Variants in ATP11A observed in about 807,000 individuals in gnomAD.
The protein encoded by ATP11A is ATPase phospholipid transporting 11A.
In ATP11A, 81 loss-of-function variants were observed where a neutral mutation model predicts 154.4. That is an observed-to-expected ratio of 0.52 (90% CI 0.44 to 0.63). ATP11A has a LOEUF of 0.63. Ranked by LOEUF, ATP11A falls within the 30% of genes least tolerant of loss-of-function variation. The pLI, the probability that ATP11A is intolerant of heterozygous loss-of-function variation, is 0.00. For missense variants in ATP11A, 1,316 were observed against 1,474.3 expected, an observed-to-expected ratio of 0.89 and a Z score of 1.76; for synonymous variants, 623 against 585.9, an observed-to-expected ratio of 1.06 and a Z score of -0.91.
intron 1 of ATP11A, among the ~76,000 whole-genome samples, chr13:112,706,554 GT>G (rs1402008697): frequency 1.3e-5 from 2 of 152,302 alleles, no homozygotes; most frequent in East Asian, 3.9e-4. Flanking sequence ...TCTCTTTCCA[GT>G]TGGTCTATAA....
rs371589710 is a variant in ATP11A at position 112,881,381 on chromosome 13, T to G, written c.*10-495T>G. 371 of 1,040,684 alleles carry G rather than the reference T, an allele frequency of 3.6e-4. 8 individuals are homozygous for G. The South Asian group carries it at 0.012, about 33-fold the overall frequency. 64.5% of individuals were successfully genotyped at this position (1,040,684 alleles called of 1,614,324 possible). A position where few individuals can be genotyped will look rare whatever the true frequency, so the allele number is the denominator to read the frequency against. Reference sequence around the variant, plus strand: ...CAGTACTAAATCAACCCGGTCCCTGTGGGGTGGGGCCTGCCTTCCCTGGGG... The same window carrying G: ...CAGTACTAAATCAACCCGGTCCCTGGGGGGTGGGGCCTGCCTTCCCTGGGG... On this transcript the variant is annotated intron_variant, in intron 29 of 29. Transcript: ENST00000375645.
chr13:112,851,414 G>A (rs1386089013), intron 18 of ATP11A, 196 bp downstream of exon 18: 1 of 479,006 alleles, frequency 2.1e-6, no homozygotes, highest in Non-Finnish European at 3.7e-6. Context: ...GGGATATTTT[G>A]TTGTCCATGA....
In ATP11A at chr13:112,819,330, A is replaced by G. The variant is rs746480730; in HGVS notation, c.597A>G (p.Lys199=). The change falls in exon 7 of 30, where the codon AAA becomes AAG. Residue 199 remains lysine (K), a synonymous_variant. Transcript: ENST00000375645. Reference sequence around the variant, plus strand: ...CGCATTACGCGGTCCAGGACACCAAAGGCTTCCACACAGAGGAGGATATCG... The same window carrying G: ...CGCATTACGCGGTCCAGGACACCAAGGGCTTCCACACAGAGGAGGATATCG... ...HKTHYAVQDT[K]GFHTEEDIGG... The G allele has an allele frequency of 5.6e-6, 9 of 1,614,236 alleles. No individual in the cohort carries two copies. Among genetic ancestry groups the G allele is most frequent in the Middle Eastern group, 3.3e-4 (2 of 6,062 alleles).
intron 2 of ATP11A, among the ~76,000 whole-genome samples, chr13:112,789,592 G>GTAGA (rs2077777645): frequency 7.6e-6 from 1 of 132,092 alleles, no homozygotes; most frequent in African/African-American, 3.5e-5. Flanking sequence ...GTGTCCTGAC[G>GTAGA]CGTAGACCCC....
At chr13:112,834,180 G>A (rs1345700692) in intron 14 of ATP11A, among the ~76,000 whole-genome samples, 2 of 152,266 alleles carry the variant, frequency 1.3e-5, no homozygotes, top group Admixed American at 1.3e-4. Flanking sequence ...GGGCCTTGGT[G>A]TGGGGGTAAC....
chr13:112,791,023 A>T (rs1010182023), intron 2 of ATP11A, among the ~76,000 whole-genome samples: 1 of 152,202 alleles, frequency 6.6e-6, no homozygotes, highest in Non-Finnish European at 1.5e-5. Context: ...TCACATCCAA[A>T]ATATTGTCTC....
chr13:112,694,105 C>T (rs1797113740), intron 1 of ATP11A, among the ~76,000 whole-genome samples: 2 of 152,218 alleles, frequency 1.3e-5, no homozygotes, highest in African/African-American at 2.4e-5. Flanking sequence ...TTCTTAGATA[C>T]TCTCTGGGCA....
At chr13:112,860,582 A>G (rs2140358882) in intron 24 of ATP11A, 168 bp downstream of exon 24, 3 of 715,110 alleles carry the variant, frequency 4.2e-6, no homozygotes, top group Non-Finnish European at 6.8e-6. Flanking sequence ...GAAGCAACAT[A>G]GCTCAAATGG....
chr13:112,723,871 C>G (rs769988228), intron 1 of ATP11A, among the ~76,000 whole-genome samples: 2 of 152,296 alleles, frequency 1.3e-5, no homozygotes, highest in South Asian at 4.1e-4. Flanking sequence ...CTCTGTCTCG[C>G]CCGAAACCCG....
chr13:112,859,593 C>G lies in ATP11A; in HGVS notation c.2727+141C>G, dbSNP rs977983895. 5.6e-4 allele frequency: 278 copies of G among 492,894 alleles called. No individual in the cohort carries two copies. Among genetic ancestry groups the G allele is most frequent in the East Asian group, 1.5e-3 (26 of 17,860 alleles). 30.5% of individuals were successfully genotyped at this position (492,894 alleles called of 1,614,324 possible). ...GGGAGCCAGGGTGCCCAGCAGCAGG[C>G]GGGGGTGAAGGGTCGGGCCTGGGGA... On this transcript the variant is annotated intron_variant, in intron 23 of 29. Transcript: ENST00000375645. This position sits in a 1 kb window ranked among gnomAD's most constrained non-coding sequence, Gnocchi z 4.3.
chr13:112,862,511 C>G lies in ATP11A; in HGVS notation c.2927C>G (p.Ala976Gly). 2 of 1,614,188 alleles carry G rather than the reference C, an allele frequency of 1.2e-6. No homozygotes were observed. The highest frequency in any genetic ancestry group is 1.7e-6 in the Non-Finnish European group (2 of 1,180,016). ...TGGACGCTCCTGGGACTGTTTGACG[C>G]ACTGGTGTTCTTCTTTGGTGCTTAT... Reference protein sequence around the residue: ...IYWTLLGLFDALVFFFGAYFV... With the variant: ...IYWTLLGLFDGLVFFFGAYFV... The change falls in exon 25 of 30, where the codon GCA (alanine) becomes GGA (glycine). Residue 976 changes from alanine to glycine, a missense_variant. Coordinates refer to ENST00000375645, the MANE Select transcript of ATP11A (RefSeq NM_015205.3).
intron 2 of ATP11A, among the ~76,000 whole-genome samples, chr13:112,795,928 G>A (rs951583782): frequency 3.9e-5 from 6 of 152,188 alleles, no homozygotes; most frequent in Non-Finnish European, 5.9e-5. Context: ...GGTCAGGATC[G>A]AATATGGGGA....
At position 112,885,239 on chromosome 13, in the gene ATP11A, CACAT is replaced by C. The variant is rs1039261824; in HGVS notation, c.*3374_*3377del. The stretch of plus-strand genomic sequence containing the variant: ...TTCCTACACACGGACGTGTGATACA[CACAT>C]GCATGTACAGGTAAGCACACATGTA... On this transcript the variant is annotated 3_prime_UTR_variant, in exon 30 of 30. Coordinates refer to ENST00000375645, the MANE Select transcript of ATP11A (RefSeq NM_015205.3). The C allele has an allele frequency of 1.1e-5, 1 of 90,530 alleles. No individual in the cohort carries two copies. The highest frequency in any genetic ancestry group is 4.3e-5 in the African/African-American group (1 of 23,424). 5.6% of individuals were successfully genotyped at this position (90,530 alleles called of 1,614,324 possible).
chr13:112,758,132 G>C (rs1444670155), intron 1 of ATP11A, among the ~76,000 whole-genome samples: 1 of 152,204 alleles, frequency 6.6e-6, no homozygotes, highest in Non-Finnish European at 1.5e-5. Context: ...CACGATCTCG[G>C]CTCATTGCAA....
At chr13:112,827,208 C>T (rs1039882581) in intron 12 of ATP11A, among the ~76,000 whole-genome samples, 2 of 152,168 alleles carry the variant, frequency 1.3e-5, no homozygotes, top group African/African-American at 4.8e-5. Context: ...TGCTTCTGCA[C>T]CTGATATTCA....
At chr13:112,721,672 G>C (rs529270782) in intron 1 of ATP11A, among the ~76,000 whole-genome samples, 37 of 152,232 alleles carry the variant, frequency 2.4e-4, no homozygotes, top group Non-Finnish European at 4.4e-4. Context: ...TCAGTTGTGG[G>C]ACGCTGGTGC....
rs763054639 is a variant in ATP11A at position 112,882,065 on chromosome 13, T to G, written c.*199T>G. The G allele has an allele frequency of 7.3e-7, 1 of 1,367,480 alleles. No homozygotes were observed. The highest frequency in any genetic ancestry group is 1.9e-5 in the Admixed American group (1 of 52,584). 84.7% of individuals were successfully genotyped at this position (1,367,480 alleles called of 1,614,324 possible). ...GTCCCGTGTGGGAATGCTCGTGTGA[T>G]GGATGGTCCTAAGCCTGTGGAGACT... On this transcript the variant is annotated 3_prime_UTR_variant, in exon 30 of 30. Transcript: ENST00000375645. This position sits in a 1 kb window ranked among gnomAD's most constrained non-coding sequence, Gnocchi z 5.1.
intron 1 of ATP11A, among the ~76,000 whole-genome samples, chr13:112,741,986 A>C (rs28482066): frequency 6.7e-6 from 1 of 148,916 alleles, no homozygotes; most frequent in African/African-American, 2.5e-5. Context: ...TGGTTCCCCC[A>C]CCACAGAAGA....
At chr13:112,750,779 C>T (rs902601138) in intron 1 of ATP11A, among the ~76,000 whole-genome samples, 6 of 152,216 alleles carry the variant, frequency 3.9e-5, no homozygotes, top group Non-Finnish European at 7.3e-5. Flanking sequence ...TGGAAGCTGC[C>T]TGTTTGGGAG....
Sources: gnomAD v4.1 joint callset for allele counts (sites outside exome capture counted in the v4.1 genomes callset) on GRCh38, gnomAD v4.1.1 for gene constraint, Gnocchi (gnomAD v3.1) non-coding constraint, MANE v1.5 for transcripts, NCBI Gene and HGNC (gene_info 2026-07-23, HGNC 2026-07-21) for gene names.